The following PNPLA5 variants were observed in gnomAD, a reference collection of about 807,000 sequenced individuals.
PNPLA5 encodes patatin like domain 5, triacylglycerol lipase, also known as patatin-like phospholipase domain-containing protein 5.
PNPLA5 carries 44 observed loss-of-function variants against 49.1 expected under a neutral mutation model. The observed-to-expected ratio is 0.90, with a 90% CI of 0.70 to 1.15. The LOEUF (loss-of-function observed/expected upper bound fraction) is 1.15. Ranked by LOEUF, PNPLA5 falls within the 50% of genes most tolerant of loss-of-function variation. The pLI, the probability that PNPLA5 is intolerant of heterozygous loss-of-function variation, is 0.00. For synonymous variants in PNPLA5, 243 were observed against 244.4 expected, an observed-to-expected ratio of 0.99 and a Z score of 0.06; for missense variants, 603 against 564.0, an observed-to-expected ratio of 1.07 and a Z score of -0.70.
chr22:43,884,063 C>T, intron 7 of PNPLA5, 150 bp downstream of exon 7: 1 of 626,532 alleles, frequency 1.6e-6, no homozygotes, highest in East Asian at 3.0e-5. Flanking sequence ...CTGAGTCATG[C>T]AGTCAACACC....
intron 7 of PNPLA5, 22 bp from the exon 8 acceptor site, chr22:43,881,696 C>A: frequency 6.2e-7 from 1 of 1,611,298 alleles, no homozygotes; most frequent in Non-Finnish European, 8.5e-7. Context: ...GGCAGGTCAG[C>A]TTTGCCCAGG....
At position 43,887,539 on chromosome 22, in the gene PNPLA5, A is replaced by T. The variant is rs905848577; in HGVS notation, c.763+52T>A. On this transcript the variant is annotated intron_variant, in intron 5 of 8. Transcript: ENST00000216177. ...CTCAAAGGCCCAAGAGGCAGGGTCT[A>T]CCTGGCACCATGTGGGACATGATCC... The T allele has an allele frequency of 2.3e-5, 37 of 1,585,310 alleles. No homozygotes were observed. In the Middle Eastern group the frequency reaches 5.0e-4, roughly 21 times the overall value.
At position 43,879,718 on chromosome 22, in the gene PNPLA5, C is replaced by G. The variant is rs1434354001; in HGVS notation, c.*1077G>C. 2 of 152,156 alleles carry G rather than the reference C, an allele frequency of 1.3e-5. No individual in the cohort carries two copies. Among genetic ancestry groups the G allele is most frequent in the Non-Finnish European group, 2.9e-5 (2 of 68,046 alleles). The allele number at this position is 152,156 out of a possible 1,614,324, so 9.4% of individuals were successfully genotyped here. On this transcript the variant is annotated 3_prime_UTR_variant, in exon 9 of 9. Transcript: ENST00000216177. ...CTCTTTATTTATTTAGAGACAGGGG[C>G]TCACTTTGTTGCCTGGGCTGGGGTG...
rs1603412025 is a variant in PNPLA5 at position 43,880,660 on chromosome 22, A to G, written c.*135T>C. On this transcript the variant is annotated 3_prime_UTR_variant, in exon 9 of 9. Coordinates refer to ENST00000216177, the MANE Select transcript of PNPLA5 (RefSeq NM_138814.4). ...ATGCTGACAGGCTGCGCCCCAAGGA[A>G]CGGGCTCCAAGCTGCAGGGTCTCCA... The G allele has an allele frequency of 1.1e-6, 1 of 880,126 alleles. No individual in the cohort carries two copies. Among genetic ancestry groups the G allele is most frequent in the South Asian group, 5.6e-5 (1 of 18,004 alleles). 54.5% of individuals were successfully genotyped at this position (880,126 alleles called of 1,614,324 possible). A position where few individuals can be genotyped will look rare whatever the true frequency, so the allele number is the denominator to read the frequency against.
At position 43,880,795 on chromosome 22, in the gene PNPLA5, T is replaced by C; in HGVS notation, c.1290A>G (p.Ter430TrpextTer9). Residue 430 changes from the stop codon to tryptophan (W), a stop_lost, in exon 9 of 9, where the codon TGA (stop) becomes TGG (tryptophan). Coordinates refer to ENST00000216177, the MANE Select transcript of PNPLA5 (RefSeq NM_138814.4). Reference sequence around the variant, plus strand: ...ACTGGGCTGGCCCTGCTCGGCCCCCTCAGGCCTGGTGGGTGGGCCCGAGCT... The same window carrying C: ...ACTGGGCTGGCCCTGCTCGGCCCCCCCAGGCCTGGTGGGTGGGCCCGAGCT... ...REELGPTHQA[*>W] is the part of the protein sequence containing the mutation. 7.5e-7 allele frequency: 1 copy of C among 1,334,128 alleles called. No individual in the cohort carries two copies. Among genetic ancestry groups the C allele is most frequent in the Non-Finnish European group, 9.6e-7 (1 of 1,036,480 alleles). The allele number at this position is 1,334,128 out of a possible 1,614,324, so 82.6% of individuals were successfully genotyped here.
chr22:43,891,604 G>A lies in PNPLA5; in HGVS notation c.193+84C>T, dbSNP rs2148331605. ...CCGGGGGTAGAGGGCGCAGAGCACA[G>A]CGCCAGGCACCAGCGTCTCTGGGCT... On this transcript the variant is annotated intron_variant, in intron 1 of 8. Coordinates refer to ENST00000216177, the MANE Select transcript of PNPLA5 (RefSeq NM_138814.4). The A allele has an allele frequency of 6.9e-6, 10 of 1,440,642 alleles. No homozygotes were observed. The South Asian group carries it at 1.5e-4, about 21-fold the overall frequency. The allele number at this position is 1,440,642 out of a possible 1,614,324, so 89.2% of individuals were successfully genotyped here.
intron 5 of PNPLA5, among the ~76,000 whole-genome samples, chr22:43,886,884 A>G (rs1264951188): frequency 3.9e-5 from 6 of 152,226 alleles, no homozygotes; most frequent in African/African-American, 1.4e-4. Flanking sequence ...CTGGGCACAT[A>G]TTAAGCGCTC....
intron 3 of PNPLA5, 70 bp from the exon 4 acceptor site, chr22:43,889,608 T>A: frequency 6.5e-7 from 1 of 1,546,956 alleles, no homozygotes. Context: ...CTGCAGCCGG[T>A]GACCCTCCAG....
chr22:43,886,629 A>C, intron 5 of PNPLA5, 141 bp from the exon 6 acceptor site: 6 of 1,402,422 alleles, frequency 4.3e-6, no homozygotes, highest in Admixed American at 2.9e-5. Flanking sequence ...ATTCCGGATG[A>C]CTCCCTTCTG....
At chr22:43,884,122 A>ACC in intron 7 of PNPLA5, 91 bp downstream of exon 7, 4 of 1,177,878 alleles carry the variant, frequency 3.4e-6, no homozygotes, top group East Asian at 2.9e-5. Context: ...GCCGAGCCCT[A>ACC]CCCACCCAGT....
intron 7 of PNPLA5, among the ~76,000 whole-genome samples, chr22:43,883,993 A>G (rs1313613777): frequency 6.6e-6 from 1 of 152,034 alleles, no homozygotes; most frequent in African/African-American, 2.4e-5. Context: ...CCGACTTCCA[A>G]TCCTACCCAC....
Position 43,891,068 on chromosome 22 carries a change from G to A in PNPLA5, c.420C>T (p.Leu140=), listed in dbSNP as rs996048189. 1.2e-6 allele frequency: 2 copies of A among 1,608,782 alleles called. No homozygotes were observed. Among genetic ancestry groups the A allele is most frequent in the African/African-American group, 1.3e-5 (1 of 74,890 alleles). ...LVTDFATCDE[L]IQALVCTLYF... is the part of the protein sequence containing the mutation. ...GGCACCCCCCGCCCCACACCTGGATGAGCTCATCGCAGGTGGCGAAGTCAG... is the reference window on the plus strand; with the variant it reads ...GGCACCCCCCGCCCCACACCTGGATAAGCTCATCGCAGGTGGCGAAGTCAG... The change falls in exon 2 of 9, where the codon CTC becomes CTT. Residue 140 remains leucine, a synonymous_variant. Coordinates refer to ENST00000216177, the MANE Select transcript of PNPLA5 (RefSeq NM_138814.4).
chr22:43,880,234 C>G lies in PNPLA5; in HGVS notation c.*561G>C, dbSNP rs2148323245. 2.5e-6 allele frequency: 1 copy of G among 395,962 alleles called. No homozygotes were observed. Among genetic ancestry groups the G allele is most frequent in the East Asian group, 3.6e-5 (1 of 27,922 alleles). 24.5% of individuals were successfully genotyped at this position (395,962 alleles called of 1,614,324 possible). Reference sequence around the variant, plus strand: ...GGATCCTGAAAAGACCTGGACCCCCCTCTCCTCCTCCTCCTGCTTCCTGCC... The same window carrying G: ...GGATCCTGAAAAGACCTGGACCCCCGTCTCCTCCTCCTCCTGCTTCCTGCC... On this transcript the variant is annotated 3_prime_UTR_variant, in exon 9 of 9. Coordinates refer to ENST00000216177, the MANE Select transcript of PNPLA5 (RefSeq NM_138814.4).
intron 3 of PNPLA5, 53 bp downstream of exon 3, chr22:43,889,746 G>T: frequency 6.3e-7 from 1 of 1,585,178 alleles, no homozygotes; most frequent in Non-Finnish European, 8.6e-7. Context: ...CCTCTCCACG[G>T]TGTGCACCCC....
chr22:43,884,531 G>A (rs2049642831), intron 6 of PNPLA5, 186 bp from the exon 7 acceptor site: 1 of 467,212 alleles, frequency 2.1e-6, no homozygotes, highest in Admixed American at 6.4e-5. Flanking sequence ...CGTGAGACAA[G>A]GGGTGTATGC....
Position 43,884,349 on chromosome 22 carries a change from C to G in PNPLA5, c.950-4G>C, listed in dbSNP as rs1490638928. The G allele has an allele frequency of 5.8e-6, 9 of 1,553,758 alleles. No individual in the cohort carries two copies. The highest frequency in any genetic ancestry group is 7.8e-6 in the Non-Finnish European group (9 of 1,148,916). ...CTCGTACATGCTTTCTTCAGTGCTG[C>G]AAGAGAAGCCCTGGCATGGCCCTGC... On this transcript the variant is annotated splice_region_variant and splice_polypyrimidine_tract_variant and intron_variant, in intron 6 of 8. Coordinates refer to ENST00000216177, the MANE Select transcript of PNPLA5 (RefSeq NM_138814.4).
At chr22:43,881,710 G>C in intron 7 of PNPLA5, 36 bp from the exon 8 acceptor site, 1 of 1,605,372 alleles carries the variant, frequency 6.2e-7, no homozygotes, top group Non-Finnish European at 8.5e-7. Flanking sequence ...GCCCAGGTGA[G>C]CCTGGGGTGT....
At chr22:43,890,004 A>G in intron 2 of PNPLA5, 140 bp from the exon 3 acceptor site, 1 of 1,433,734 alleles carries the variant, frequency 7.0e-7, no homozygotes. Flanking sequence ...CTGAGGCATC[A>G]CCTCCCAGCC....
Position 43,891,314 on chromosome 22 carries a change from A to G in PNPLA5, c.194-20T>C. Reference sequence around the variant, plus strand: ...AGAAGTCTGCAGTGGGGGCAGGGAAAGGGAGACCTCAGCGCCCAGGGATCC... The same window carrying G: ...AGAAGTCTGCAGTGGGGGCAGGGAAGGGGAGACCTCAGCGCCCAGGGATCC... On this transcript the variant is annotated intron_variant, in intron 1 of 8. Transcript: ENST00000216177. 1 of 1,544,368 alleles carries G rather than the reference A, an allele frequency of 6.5e-7. No individual in the cohort carries two copies. The highest frequency in any genetic ancestry group is 1.4e-5 in the African/African-American group (1 of 73,260).
Sources: allele counts gnomAD v4.1 joint callset (sites outside exome capture counted in the v4.1 genomes callset), GRCh38; gene constraint gnomAD v4.1.1; transcripts MANE v1.5; gene names NCBI Gene and HGNC (gene_info 2026-07-23, HGNC 2026-07-21).